The following RYR3 variants were observed in gnomAD, a reference collection of about 807,000 sequenced individuals.
RYR3 encodes the protein brain ryanodine receptor-calcium release channel.
A neutral mutation model predicts 584.3 loss-of-function variants in RYR3; 207 were observed. That is an observed-to-expected ratio of 0.35 (90% CI 0.32 to 0.40). RYR3 has a LOEUF of 0.40. Ranked by LOEUF, RYR3 falls within the 10% of genes least tolerant of loss-of-function variation. The probability of loss-of-function intolerance (pLI) is 1.00; values close to 1 mark genes in which losing one functional copy is unlikely to be tolerated. For missense variants in RYR3, 5,616 were observed against 6,089.2 expected, an observed-to-expected ratio of 0.92 and a Z score of 2.59; for synonymous variants, 2,416 against 2,248.5, an observed-to-expected ratio of 1.07 and a Z score of -2.11.
chr15:33,855,022 T>C (rs2079498450), intron 98 of RYR3, 110 bp downstream of exon 98: 2 of 1,158,942 alleles, frequency 1.7e-6, no homozygotes, highest in Non-Finnish European at 2.3e-6. Context: ...TGGTATATAA[T>C]GTACTTTTCT....
In RYR3 at chr15:33,725,976, C is replaced by CGCCAAAAA. The variant is rs1555427643; in HGVS notation, c.6913-410_6913-409insGCCAAAAA. ...CAGAGCAAGACTCCATCCCCCCCCCCAAAAAAAAAAAAAAAAAAAAACAGA... is the reference window on the plus strand; with the variant it reads ...CAGAGCAAGACTCCATCCCCCCCCCCGCCAAAAAAAAAAAAAAAAAAAAAAAAAACAGA... On this transcript the variant is annotated intron_variant, in intron 45 of 103. Coordinates refer to ENST00000634891, the MANE Select transcript of RYR3 (RefSeq NM_001036.6). Among the ~76,000 whole-genome samples, 119 of 31,512 alleles carry CGCCAAAAA rather than the reference C, an allele frequency of 3.8e-3. 21 individuals are homozygous for CGCCAAAAA. The highest frequency in any genetic ancestry group is 0.029 in the Middle Eastern group (1 of 34). 20.7% of individuals were successfully genotyped at this position (31,512 alleles called of 152,430 possible).
chr15:33,665,729 T>C lies in RYR3; in HGVS notation c.5619+1992T>C, dbSNP rs181041323. Among the ~76,000 whole-genome samples the C allele has an allele frequency of 2.0e-5, 3 of 152,290 alleles. No individual in the cohort carries two copies. The East Asian group carries it at 5.8e-4, about 29-fold the overall frequency. ...ACAACATTTGTAAAGCCTTCAAGAG[T>C]AGTTCCTGACAAAACAGCATACCTG... On this transcript the variant is annotated intron_variant, in intron 36 of 103. Transcript: ENST00000634891.
At chr15:33,512,801 A>G (rs1311164491) in intron 3 of RYR3, among the ~76,000 whole-genome samples, 1 of 152,130 alleles carries the variant, frequency 6.6e-6, no homozygotes, top group Non-Finnish European at 1.5e-5. Context: ...TTTTAATTGC[A>G]AAAAAATGTA....
chr15:33,647,546 AGAGATCCTCT>A (rs1566866678), intron 30 of RYR3, 86 bp downstream of exon 30: 12 of 953,532 alleles, frequency 1.3e-5, no homozygotes, highest in Non-Finnish European at 1.8e-5. Context: ...AGATCCGTCT[AGAGATCCTCT>A]TTAATTGCCA....
intron 90 of RYR3, among the ~76,000 whole-genome samples, chr15:33,841,173 C>T (rs531571122): frequency 6.6e-6 from 1 of 152,170 alleles, no homozygotes; most frequent in East Asian, 1.9e-4. Flanking sequence ...GCCAAGATCA[C>T]ATCACTGCAC....
intron 38 of RYR3, among the ~76,000 whole-genome samples, chr15:33,686,182 A>G (rs1476850508): frequency 6.6e-6 from 1 of 152,146 alleles, no homozygotes; most frequent in Non-Finnish European, 1.5e-5. Context: ...GACCGCTAGC[A>G]AGATTAATAA....
At position 33,736,292 on chromosome 15, in the gene RYR3, G is replaced by T; in HGVS notation, c.7482G>T (p.Pro2494=). 3.7e-6 allele frequency: 6 copies of T among 1,612,332 alleles called. No individual in the cohort carries two copies. The highest frequency in any genetic ancestry group is 5.1e-6 in the Non-Finnish European group (6 of 1,179,218). The stretch of plus-strand genomic sequence containing the variant: ...TGCGACGCCTCGTTTTTGATGTGCC[G>T]CAACTCAATGAATACTGCAAAATGC... ...QLLRRLVFDV[P]QLNEYCKMPL... Residue 2494 remains proline (P), a synonymous_variant, in exon 49 of 104, where the codon CCG becomes CCT. Coordinates refer to ENST00000634891, the MANE Select transcript of RYR3 (RefSeq NM_001036.6).
At position 33,390,543 on chromosome 15, in the gene RYR3, G is replaced by A. The variant is rs1201249123; in HGVS notation, c.51+79447G>A. On this transcript the variant is annotated intron_variant, in intron 1 of 103. Transcript: ENST00000634891. The surrounding 1 kb of genome is among the most constrained non-coding windows in gnomAD (Gnocchi z 4.2). ...GTTTTCACGACTTCTTCTTCAGGGG[G>A]TGATAGGTGTGGAGAGAAGAGTTAA... Among the ~76,000 whole-genome samples the A allele has an allele frequency of 6.6e-6, 1 of 152,182 alleles. No individual in the cohort carries two copies. Among genetic ancestry groups the A allele is most frequent in the Non-Finnish European group, 1.5e-5 (1 of 68,030 alleles).
chr15:33,728,770 A>G (rs997379884), intron 46 of RYR3, 87 bp from the exon 47 acceptor site: 2 of 1,300,400 alleles, frequency 1.5e-6, no homozygotes, highest in African/African-American at 1.5e-5. Context: ...TATAGGGAGA[A>G]TAAGCTATAG....
At chr15:33,631,431 T>C (rs1343970627) in intron 23 of RYR3, 138 bp downstream of exon 23, 1 of 595,142 alleles carries the variant, frequency 1.7e-6, no homozygotes, top group Non-Finnish European at 2.9e-6. Context: ...GTTTCCTAGA[T>C]GACACTGAAG....
At chr15:33,511,556 T>C (rs2053005889) in intron 3 of RYR3, among the ~76,000 whole-genome samples, 1 of 152,024 alleles carries the variant, frequency 6.6e-6, no homozygotes, top group Non-Finnish European at 1.5e-5. Context: ...GAACTGGGCC[T>C]TTCACTTGTG....
rs375446456 is a variant in RYR3 at position 33,311,010 on chromosome 15, G to A, written c.-36G>A. 1,136 of 1,551,044 alleles carry A rather than the reference G, an allele frequency of 7.3e-4. 8 individuals are homozygous for A. The African/African-American group carries it at 0.013, about 18-fold the overall frequency. The stretch of plus-strand genomic sequence containing the variant: ...AGCGGCTGCCGGGGGAAGCAGAGGC[G>A]CCGGAGGCTGGGGCACCGCCGACGC... On this transcript the variant is annotated 5_prime_UTR_variant, in exon 1 of 104. Transcript: ENST00000634891. This position sits in a 1 kb window ranked among gnomAD's most constrained non-coding sequence, Gnocchi z 4.4.
chr15:33,439,796 CAT>C (rs1022489173), intron 1 of RYR3, among the ~76,000 whole-genome samples: 3 of 152,090 alleles, frequency 2.0e-5, no homozygotes, highest in Non-Finnish European at 2.9e-5. Flanking sequence ...CATTGACTAA[CAT>C]ATGGCAAATA....
intron 1 of RYR3, among the ~76,000 whole-genome samples, chr15:33,392,457 G>A (rs960623012): frequency 1.3e-5 from 2 of 151,866 alleles, no homozygotes; most frequent in East Asian, 2.0e-4. Context: ...GAGGGTGAGC[G>A]GCAGGTCACT....
At chr15:33,638,820 T>C (rs2061641455) in intron 27 of RYR3, among the ~76,000 whole-genome samples, 1 of 152,178 alleles carries the variant, frequency 6.6e-6, no homozygotes, top group Non-Finnish European at 1.5e-5. Flanking sequence ...TTGAATTGCA[T>C]GTTAACTACA....
intron 1 of RYR3, among the ~76,000 whole-genome samples, chr15:33,409,776 G>A (rs1040371344): frequency 6.6e-6 from 1 of 152,178 alleles, no homozygotes; most frequent in Admixed American, 6.5e-5. Flanking sequence ...CTGAAAAATA[G>A]CTGAATTAAA....
chr15:33,642,144 C>A (rs1020257869), intron 27 of RYR3, among the ~76,000 whole-genome samples: 2 of 152,150 alleles, frequency 1.3e-5, no homozygotes, highest in African/African-American at 4.8e-5. Flanking sequence ...AAGTCTTATG[C>A]AGTTATTACC....
chr15:33,698,456 T>G (rs1257761135), intron 40 of RYR3, among the ~76,000 whole-genome samples: 1 of 152,160 alleles, frequency 6.6e-6, no homozygotes, highest in Middle Eastern at 3.2e-3. Flanking sequence ...GCCAGCTCCC[T>G]CATAAGGAGC....
At chr15:33,693,494 G>T (rs1169818426) in intron 38 of RYR3, among the ~76,000 whole-genome samples, 1 of 152,246 alleles carries the variant, frequency 6.6e-6, no homozygotes, top group East Asian at 1.9e-4. Context: ...CCTGAGTGAT[G>T]AAATTAAGGA....
Sources: gnomAD v4.1 joint callset for allele counts (sites outside exome capture counted in the v4.1 genomes callset) on GRCh38, gnomAD v4.1.1 for gene constraint, Gnocchi (gnomAD v3.1) non-coding constraint, MANE v1.5 for transcripts, NCBI Gene and HGNC (gene_info 2026-07-23, HGNC 2026-07-21) for gene names.